Variants in PRICKLE1 observed in about 807,000 individuals in gnomAD.
PRICKLE1 encodes the protein prickle planar cell polarity protein 1, also known as prickle-like protein 1.
In PRICKLE1, 14 loss-of-function variants were observed where a neutral mutation model predicts 70.2. The ratio of observed to expected loss-of-function variants is 0.20; its 90% CI spans 0.13 to 0.31. The LOEUF (loss-of-function observed/expected upper bound fraction) is 0.31. Among genes scored for constraint, PRICKLE1 ranks in the 10% least tolerant of loss-of-function variants. The probability of loss-of-function intolerance (pLI) is 1.00; values close to 1 mark genes in which losing one functional copy is unlikely to be tolerated. For missense variants in PRICKLE1, 821 were observed against 1,026.2 expected (o/e 0.80, Z 2.73); for synonymous variants, 357 against 379.9 (o/e 0.94, Z 0.70).
intron 1 of PRICKLE1, among the ~76,000 whole-genome samples, chr12:42,515,104 G>A (rs1446367278): frequency 6.6e-6 from 1 of 151,394 alleles, no homozygotes; most frequent in Admixed American, 6.6e-5. Flanking sequence ...TTTTTCAGTG[G>A]AGATGGGTTT....
At chr12:42,546,571 T>A (rs1236724799) in intron 1 of PRICKLE1, among the ~76,000 whole-genome samples, 1 of 152,138 alleles carries the variant, frequency 6.6e-6, no homozygotes, top group Admixed American at 6.5e-5. Flanking sequence ...CTGGCCAACA[T>A]GGCGAAACCC....
At chr12:42,560,304 T>G (rs1182822423) in intron 1 of PRICKLE1, among the ~76,000 whole-genome samples, 1 of 151,944 alleles carries the variant, frequency 6.6e-6, no homozygotes, top group East Asian at 1.9e-4. Context: ...TGGCTAATTT[T>G]TGTATTTTTA....
chr12:42,509,349 A>T (rs2120376390), intron 1 of PRICKLE1, among the ~76,000 whole-genome samples: 1 of 152,324 alleles, frequency 6.6e-6, no homozygotes, highest in East Asian at 1.9e-4. Context: ...AATATAAAAC[A>T]TGGAAACTCT....
chr12:42,475,381 C>CT (rs746076221), intron 1 of PRICKLE1, among the ~76,000 whole-genome samples: 36 of 152,180 alleles, frequency 2.4e-4, no homozygotes, highest in Non-Finnish European at 4.1e-4. Context: ...TAAGTGGTGT[C>CT]TCATTTAACA....
At chr12:42,527,964 T>TATATATAC (rs1939842711) in intron 1 of PRICKLE1, among the ~76,000 whole-genome samples, 6 of 7,196 alleles carry the variant, frequency 8.3e-4, no homozygotes, top group Non-Finnish European at 1.5e-3. Context: ...TATATATATA[T>TATATATAC]ATATATATCT....
chr12:42,534,310 G>A (rs1015335967), intron 1 of PRICKLE1, among the ~76,000 whole-genome samples: 9 of 152,122 alleles, frequency 5.9e-5, no homozygotes, highest in African/African-American at 2.2e-4. Context: ...TTCCTGCAGA[G>A]GTGCGGGTAC....
At chr12:42,484,915 T>C (rs527903278) in intron 1 of PRICKLE1, among the ~76,000 whole-genome samples, 13 of 152,326 alleles carry the variant, frequency 8.5e-5, no homozygotes, top group Non-Finnish European at 1.8e-4. Context: ...CACAAGGTGA[T>C]AGAAATACCA....
At chr12:42,560,706 T>C (rs1940496314) in intron 1 of PRICKLE1, among the ~76,000 whole-genome samples, 1 of 151,806 alleles carries the variant, frequency 6.6e-6, no homozygotes, top group African/African-American at 2.4e-5. Context: ...CAAGGGTGGA[T>C]GTGCATCTAA....
In PRICKLE1 at chr12:42,572,149, C is replaced by T. The variant is rs563766981; in HGVS notation, c.-49+17316G>A. On this transcript the variant is annotated intron_variant, in intron 1 of 7. Coordinates refer to ENST00000345127, the MANE Select transcript of PRICKLE1 (RefSeq NM_153026.3). Reference sequence around the variant, plus strand: ...CAGGAACATTGTTTAAAATATATCTCTAGGCCGGGCGCGGTGGCTTATGCT... The same window carrying T: ...CAGGAACATTGTTTAAAATATATCTTTAGGCCGGGCGCGGTGGCTTATGCT... Among the ~76,000 whole-genome samples, 22 of 152,140 alleles carry T rather than the reference C, an allele frequency of 1.4e-4. No homozygotes were observed. The East Asian group carries it at 4.1e-3, about 28-fold the overall frequency.
chr12:42,532,720 A>T (rs1409663134), intron 1 of PRICKLE1, among the ~76,000 whole-genome samples: 1 of 151,844 alleles, frequency 6.6e-6, no homozygotes, highest in African/African-American at 2.4e-5. Context: ...ACACGGTGAA[A>T]CCCCGTCTCT....
intron 1 of PRICKLE1, among the ~76,000 whole-genome samples, chr12:42,574,891 T>A (rs904958661): frequency 4.6e-5 from 7 of 152,012 alleles, no homozygotes; most frequent in Non-Finnish European, 1.0e-4. Context: ...TGTCTGCTAT[T>A]TCTGCTTGGT....
intron 1 of PRICKLE1, among the ~76,000 whole-genome samples, chr12:42,551,776 A>G (rs1940322026): frequency 1.3e-5 from 2 of 152,206 alleles, no homozygotes; most frequent in Admixed American, 1.3e-4. Flanking sequence ...AATGGGTCCA[A>G]TGCTAGAGTC....
At chr12:42,557,037 C>G (rs1940424588) in intron 1 of PRICKLE1, among the ~76,000 whole-genome samples, 2 of 151,360 alleles carry the variant, frequency 1.3e-5, no homozygotes, top group Admixed American at 6.6e-5. Context: ...TTGCCCTGGT[C>G]TAGCACTCCT....
intron 1 of PRICKLE1, among the ~76,000 whole-genome samples, chr12:42,552,896 G>A (rs929650529): frequency 6.6e-6 from 1 of 152,156 alleles, no homozygotes; most frequent in East Asian, 1.9e-4. Flanking sequence ...TAAGAAGCGC[G>A]CAATCTAGGG....
chr12:42,484,668 A>G (rs927772199), intron 1 of PRICKLE1, among the ~76,000 whole-genome samples: 1 of 152,224 alleles, frequency 6.6e-6, no homozygotes, highest in Non-Finnish European at 1.5e-5. Context: ...GGTTAAGTGA[A>G]TATCATTATT....
At chr12:42,529,953 C>CTTCCT (rs1555236624) in intron 1 of PRICKLE1, among the ~76,000 whole-genome samples, 7,187 of 142,942 alleles carry the variant, frequency 0.05, 598 homozygotes, top group African/African-American at 0.18. Context: ...TCCTTCCTTC[C>CTTCCT]TTTTTTTTTT....
intron 1 of PRICKLE1, among the ~76,000 whole-genome samples, chr12:42,487,344 C>T (rs1939008120): frequency 6.6e-6 from 1 of 152,212 alleles, no homozygotes; most frequent in South Asian, 2.1e-4. Context: ...CTTCTTAGGG[C>T]TAACAGGCAT....
chr12:42,470,749 T>C (rs929068978), intron 2 of PRICKLE1, among the ~76,000 whole-genome samples: 3 of 151,886 alleles, frequency 2.0e-5, no homozygotes, highest in African/African-American at 4.8e-5. Context: ...CTACTAAAAC[T>C]ACAAAAATTA....
chr12:42,543,667 T>C (rs1322646229), intron 1 of PRICKLE1, among the ~76,000 whole-genome samples: 2 of 152,044 alleles, frequency 1.3e-5, no homozygotes, highest in African/African-American at 4.8e-5. Context: ...GGACTACAGG[T>C]ACCCACCCCC....
Sources: allele counts gnomAD v4.1 joint callset (sites outside exome capture counted in the v4.1 genomes callset), GRCh38; gene constraint gnomAD v4.1.1; transcripts MANE v1.5; gene names NCBI Gene and HGNC (gene_info 2026-07-23, HGNC 2026-07-21).